Variants in TMEM117 observed in about 807,000 individuals in gnomAD.
TMEM117 encodes the protein transmembrane protein 117.
A neutral mutation model predicts 52.4 loss-of-function variants in TMEM117; 27 were observed. The observed-to-expected ratio is 0.51, with a 90% CI of 0.38 to 0.71. TMEM117 has a LOEUF of 0.71. Among genes scored for constraint, TMEM117 ranks in the 30% least tolerant of loss-of-function variants. TMEM117 has a pLI of 0.00. For missense variants in TMEM117, 556 were observed against 630.5 expected (o/e 0.88, Z 1.26); for synonymous variants, 215 against 206.3 (o/e 1.04, Z -0.36).
chr12:44,124,386 C>A (rs1028429403), intron 3 of TMEM117, among the ~76,000 whole-genome samples: 1 of 152,144 alleles, frequency 6.6e-6, no homozygotes, highest in Non-Finnish European at 1.5e-5. Context: ...TATTTGAATA[C>A]GCTTTATTTA....
intron 5 of TMEM117, among the ~76,000 whole-genome samples, chr12:44,298,563 A>G: frequency 6.6e-6 from 1 of 150,878 alleles, no homozygotes; most frequent in East Asian, 1.9e-4. Flanking sequence ...AGTCAGCATT[A>G]AAGACTAATT....
At position 44,017,933 on chromosome 12, in the gene TMEM117, C is replaced by T. The variant is rs1946397692; in HGVS notation, c.410+73591C>T. Among the ~76,000 whole-genome samples the T allele has an allele frequency of 1.3e-5, 2 of 152,192 alleles. 1 individual carries two copies. The highest frequency in any genetic ancestry group is 4.8e-5 in the African/African-American group (2 of 41,508). The stretch of plus-strand genomic sequence containing the variant: ...TGATTTTTTTCAATGTTCTTTTTAA[C>T]ATCTGACAAGTCTAAGTACTTCTGT... On this transcript the variant is annotated intron_variant, in intron 3 of 7. Transcript: ENST00000266534.
chr12:43,873,831 T>C (rs1943747092), intron 2 of TMEM117, among the ~76,000 whole-genome samples: 1 of 152,110 alleles, frequency 6.6e-6, no homozygotes, highest in Non-Finnish European at 1.5e-5. Context: ...TTTGCTATTT[T>C]ATTTTTGTCT....
upstream of TMEM117, chr12:43,836,041 G>T (rs1322045623): frequency 6.6e-6 from 1 of 151,506 alleles, no homozygotes; most frequent in African/African-American, 2.4e-5. Flanking sequence ...GCGGGTGTGG[G>T]CCGAGCCGGT....
intron 3 of TMEM117, among the ~76,000 whole-genome samples, chr12:44,099,166 T>C (rs903364720): frequency 6.6e-6 from 1 of 152,116 alleles, no homozygotes; most frequent in Non-Finnish European, 1.5e-5. Flanking sequence ...TAAAGAGATC[T>C]TAAGTATCAA....
Position 43,946,577 on chromosome 12 carries a change from A to G in TMEM117, c.410+2235A>G, listed in dbSNP as rs537854008. Among the ~76,000 whole-genome samples the G allele has an allele frequency of 9.9e-5, 15 of 152,270 alleles. No individual in the cohort carries two copies. The South Asian group carries it at 2.7e-3, about 27-fold the overall frequency. Reference sequence around the variant, plus strand: ...TTGTTGAACATTTACACCAGGCATGAATTATCTCAATTAAATCTCGCAGTG... The same window carrying G: ...TTGTTGAACATTTACACCAGGCATGGATTATCTCAATTAAATCTCGCAGTG... On this transcript the variant is annotated intron_variant, in intron 3 of 7. Coordinates refer to ENST00000266534, the MANE Select transcript of TMEM117 (RefSeq NM_032256.3).
At chr12:44,214,321 G>T (rs757873437) in intron 5 of TMEM117, among the ~76,000 whole-genome samples, 5 of 150,804 alleles carry the variant, frequency 3.3e-5, no homozygotes, top group Non-Finnish European at 7.4e-5. Flanking sequence ...AGTTTTTTTT[G>T]TTGTTGTTTT....
chr12:44,326,153 G>A (rs1228108903), intron 6 of TMEM117, among the ~76,000 whole-genome samples: 1 of 152,162 alleles, frequency 6.6e-6, no homozygotes, highest in Non-Finnish European at 1.5e-5. Context: ...GGGCAACAGA[G>A]TGAGACCCTG....
At position 44,389,494 on chromosome 12, in the gene TMEM117, G is replaced by C. The variant is rs1952142954; in HGVS notation, c.*822G>C. The C allele has an allele frequency of 6.6e-6, 1 of 152,488 alleles. No homozygotes were observed. Among genetic ancestry groups the C allele is most frequent in the Admixed American group, 6.6e-5 (1 of 15,222 alleles). The allele number at this position is 152,488 out of a possible 1,614,324, so 9.4% of individuals were successfully genotyped here. A position where few individuals can be genotyped will look rare whatever the true frequency, so the allele number is the denominator to read the frequency against. On this transcript the variant is annotated 3_prime_UTR_variant, in exon 8 of 8. Transcript: ENST00000266534. Reference sequence around the variant, plus strand: ...AGTCCCAGACAACCAAGGAACTGAAGTTTTCATCATATGAGAGCAGCACAT... The same window carrying C: ...AGTCCCAGACAACCAAGGAACTGAACTTTTCATCATATGAGAGCAGCACAT...
At chr12:43,981,702 T>A (rs756412478) in intron 3 of TMEM117, among the ~76,000 whole-genome samples, 1 of 152,192 alleles carries the variant, frequency 6.6e-6, no homozygotes, top group Non-Finnish European at 1.5e-5. Flanking sequence ...AGCAAAGTAT[T>A]GCCTCAAAAT....
At chr12:43,954,017 A>G (rs1161023062) in intron 3 of TMEM117, among the ~76,000 whole-genome samples, 1 of 152,202 alleles carries the variant, frequency 6.6e-6, no homozygotes, top group African/African-American at 2.4e-5. Context: ...AAACCACACA[A>G]CTACATGGAA....
At chr12:44,082,027 A>G (rs978248567) in intron 3 of TMEM117, among the ~76,000 whole-genome samples, 1 of 151,830 alleles carries the variant, frequency 6.6e-6, no homozygotes, top group African/African-American at 2.4e-5. Context: ...ATTTATATTT[A>G]TGAAATTATC....
At chr12:44,203,383 G>A (rs1221762263) in intron 4 of TMEM117, among the ~76,000 whole-genome samples, 3 of 151,918 alleles carry the variant, frequency 2.0e-5, no homozygotes, top group Non-Finnish European at 2.9e-5. Flanking sequence ...TATCAATCTT[G>A]TTTACTCTCT....
At chr12:44,268,733 A>G (rs1407218871) in intron 5 of TMEM117, among the ~76,000 whole-genome samples, 3 of 152,052 alleles carry the variant, frequency 2.0e-5, no homozygotes, top group Admixed American at 2.0e-4. Context: ...TTAAATTTTA[A>G]TTTCCTTGAA....
chr12:43,827,450 T>C, the TMEM117 span, among the ~76,000 whole-genome samples: 2 of 152,162 alleles, frequency 1.3e-5, no homozygotes, highest in Non-Finnish European at 2.9e-5. Flanking sequence ...ACTTTGGCAT[T>C]CAGAGGCCTA....
At chr12:43,948,517 G>A (rs533042584) in intron 3 of TMEM117, among the ~76,000 whole-genome samples, 1 of 152,146 alleles carries the variant, frequency 6.6e-6, no homozygotes, top group African/African-American at 2.4e-5. Context: ...GTATTAGCCA[G>A]GATGGTCTCG....
rs12227646 is a variant in TMEM117 at position 43,851,837 on chromosome 12, G to C, written c.277+6909G>C. ...GATGAAAATTGTAAGTTCAACAGAG[G>C]TCTTTTTCTTTGCACCAAATTGTAG... On this transcript the variant is annotated intron_variant, in intron 2 of 7. Transcript: ENST00000266534. Among the ~76,000 whole-genome samples the C allele has an allele frequency of 8.7e-3, 1,330 of 152,264 alleles. 38 individuals are homozygous for C. Among genetic ancestry groups the C allele is most frequent in the East Asian group, 0.067 (347 of 5,186 alleles).
chr12:44,393,615 A>T (rs994885150), downstream of TMEM117, among the ~76,000 whole-genome samples: 1 of 147,178 alleles, frequency 6.8e-6, no homozygotes, highest in Non-Finnish European at 1.5e-5. Flanking sequence ...ACAAACATCT[A>T]TAAACACCCA....
chr12:43,857,582 A>G (rs1943422838), intron 2 of TMEM117, among the ~76,000 whole-genome samples: 1 of 152,180 alleles, frequency 6.6e-6, no homozygotes, highest in Non-Finnish European at 1.5e-5. Flanking sequence ...CATATGGTAA[A>G]ATTGAAAATG....
Sources: gnomAD v4.1 joint callset for allele counts (sites outside exome capture counted in the v4.1 genomes callset) on GRCh38, gnomAD v4.1.1 for gene constraint, MANE v1.5 for transcripts, NCBI Gene and HGNC (gene_info 2026-07-23, HGNC 2026-07-21) for gene names.